Variants in TRIM67 observed in about 807,000 individuals in gnomAD.
The protein encoded by TRIM67 is tripartite motif containing 67, also known as tripartite motif-containing protein 67.
A neutral mutation model predicts 71.0 loss-of-function variants in TRIM67; 39 were observed. The ratio of observed to expected loss-of-function variants is 0.55; its 90% CI spans 0.43 to 0.72. The LOEUF (loss-of-function observed/expected upper bound fraction) is 0.72, where lower values mean the gene tolerates loss of function less well. Ranked by LOEUF, TRIM67 falls within the 30% of genes least tolerant of loss-of-function variation. The pLI is 0.00. For missense variants in TRIM67, 973 were observed against 1,079.2 expected (o/e 0.90, Z 1.38); for synonymous variants, 481 against 473.9 (o/e 1.01, Z -0.19).
chr1:231,163,794 C>CA lies in TRIM67; in HGVS notation c.826dup (p.Ser276LysfsTer32). The CA allele has an allele frequency of 6.7e-7, 1 of 1,490,414 alleles. No homozygotes were observed. Among genetic ancestry groups the CA allele is most frequent in the Non-Finnish European group, 9.0e-7 (1 of 1,116,410 alleles). 92.3% of individuals were successfully genotyped at this position (1,490,414 alleles called of 1,614,324 possible). ...CCACTGGCACCGCCCAGGGCGCCCC[C>CA]AGCGGAGGCGGCGGCTGCAAGAGCC... On this transcript the variant is annotated frameshift_variant, in exon 1 of 10. Coordinates refer to ENST00000366653, the MANE Select transcript of TRIM67 (RefSeq NM_001004342.5). LOFTEE classifies it high-confidence loss of function.
chr1:231,183,840 G>A (rs1439759300), intron 1 of TRIM67, among the ~76,000 whole-genome samples: 2 of 152,148 alleles, frequency 1.3e-5, no homozygotes, highest in Admixed American at 1.3e-4. Context: ...ATGAGGGCAG[G>A]GAGAGTAAGT....
intron 8 of TRIM67, among the ~76,000 whole-genome samples, chr1:231,211,027 A>ATATATATATATAT (rs1553328710): frequency 1.5e-5 from 2 of 130,504 alleles, no homozygotes; most frequent in African/African-American, 5.6e-5. Context: ...TACCAAAAAA[A>ATATATATATATAT]AAAAATATAT....
intron 8 of TRIM67, among the ~76,000 whole-genome samples, chr1:231,211,990 C>T (rs1199091907): frequency 6.6e-6 from 1 of 152,196 alleles, no homozygotes; most frequent in Admixed American, 6.5e-5. Flanking sequence ...AAACGCTACA[C>T]TTTGAGACGA....
chr1:231,206,715 A>G lies in TRIM67; in HGVS notation c.1744A>G (p.Asn582Asp). 1 of 1,611,844 alleles carries G rather than the reference A, an allele frequency of 6.2e-7. No homozygotes were observed. The highest frequency in any genetic ancestry group is 8.5e-7 in the Non-Finnish European group (1 of 1,179,048). Residue 582 changes from asparagine to aspartate, a missense_variant, in exon 7 of 10, where the codon AAC becomes GAC. Transcript: ENST00000366653. ...IDGLHFNSTY[N>D]ARVKAFNSSG... Reference sequence around the variant, plus strand: ...CGGTCTTCACTTCAACAGCACCTACAACGCCCGAGTCAAAGCTTTCAACTC... The same window carrying G: ...CGGTCTTCACTTCAACAGCACCTACGACGCCCGAGTCAAAGCTTTCAACTC...
At chr1:231,193,481 A>C (rs1237830963) in intron 1 of TRIM67, among the ~76,000 whole-genome samples, 2 of 122,860 alleles carry the variant, frequency 1.6e-5, no homozygotes, top group Admixed American at 1.7e-4. Flanking sequence ...AAAAAGAAAG[A>C]GACACCTGAA....
At chr1:231,205,263 A>G (rs1683663777) in intron 6 of TRIM67, among the ~76,000 whole-genome samples, 1 of 152,212 alleles carries the variant, frequency 6.6e-6, no homozygotes, top group South Asian at 2.1e-4. Context: ...ATGCAGACAG[A>G]CCTGGATTTG....
At chr1:231,204,397 A>T (rs1683638148) in intron 6 of TRIM67, among the ~76,000 whole-genome samples, 1 of 152,172 alleles carries the variant, frequency 6.6e-6, no homozygotes, top group Non-Finnish European at 1.5e-5. Context: ...GGAGACGAGG[A>T]AGCACTGTCT....
Position 231,209,355 on chromosome 1 carries a change from AGAG to A in TRIM67, c.2123+110_2123+112del. The A allele has an allele frequency of 7.7e-7, 1 of 1,305,342 alleles. No individual in the cohort carries two copies. The allele number at this position is 1,305,342 out of a possible 1,614,324, so 80.9% of individuals were successfully genotyped here. On this transcript the variant is annotated intron_variant, in intron 8 of 9. Transcript: ENST00000366653. The surrounding 1 kb of genome is among the most constrained non-coding windows in gnomAD (Gnocchi z 4.1). ...CTGTCCCCAAAGCCAGGAGGAATTG[AGAG>A]GAGGTATTTTCAGCCACTTTGGTCT...
chr1:231,169,763 C>A (rs1328879587), intron 1 of TRIM67, among the ~76,000 whole-genome samples: 3 of 152,118 alleles, frequency 2.0e-5, no homozygotes, highest in Admixed American at 6.5e-5. Flanking sequence ...TCTCTCCTAT[C>A]TGCCCCAGAC....
At chr1:231,173,938 G>T (rs565032110) in intron 1 of TRIM67, among the ~76,000 whole-genome samples, 1 of 152,206 alleles carries the variant, frequency 6.6e-6, no homozygotes, top group South Asian at 2.1e-4. Flanking sequence ...CCTGCTGGGG[G>T]TTCTCTGAGC....
At chr1:231,180,661 A>G (rs1307735432) in intron 1 of TRIM67, among the ~76,000 whole-genome samples, 1 of 152,222 alleles carries the variant, frequency 6.6e-6, no homozygotes, top group African/African-American at 2.4e-5. Context: ...GCATGTGTTA[A>G]TATGTTATTT....
chr1:231,203,038 G>T (rs1244920795), intron 5 of TRIM67, among the ~76,000 whole-genome samples: 1 of 152,158 alleles, frequency 6.6e-6, no homozygotes, highest in Non-Finnish European at 1.5e-5. Context: ...CTACCAGCTC[G>T]TTAACTGAGG....
chr1:231,186,472 G>A (rs554457969), intron 1 of TRIM67, among the ~76,000 whole-genome samples: 3 of 152,244 alleles, frequency 2.0e-5, no homozygotes, highest in East Asian at 1.9e-4. Flanking sequence ...TCAGGGTGTC[G>A]GCAGGGCTAT....
chr1:231,174,730 A>C (rs1682701568), intron 1 of TRIM67, among the ~76,000 whole-genome samples: 1 of 151,648 alleles, frequency 6.6e-6, no homozygotes, highest in Admixed American at 6.6e-5. Context: ...GAGTTTTTTC[A>C]TTTCCCTTCC....
intron 2 of TRIM67, among the ~76,000 whole-genome samples, chr1:231,198,082 G>A (rs1011311491): frequency 1.2e-4 from 18 of 152,206 alleles, no homozygotes; most frequent in Non-Finnish European, 2.4e-4. Context: ...AGCACTCTAC[G>A]TGCCATGTCG....
At chr1:231,169,057 TTTTTTA>T (rs997221295) in intron 1 of TRIM67, among the ~76,000 whole-genome samples, 12 of 129,704 alleles carry the variant, frequency 9.3e-5, no homozygotes, top group African/African-American at 3.2e-4. Flanking sequence ...CTAGATATTT[TTTTTTA>T]TTTTTATTTG....
At chr1:231,178,295 A>G (rs1470956994) in intron 1 of TRIM67, among the ~76,000 whole-genome samples, 1 of 152,224 alleles carries the variant, frequency 6.6e-6, no homozygotes, top group Non-Finnish European at 1.5e-5. Flanking sequence ...GGTGCTATAG[A>G]GGCAGGAGAA....
At chr1:231,207,787 G>T (rs1683746777) in intron 7 of TRIM67, among the ~76,000 whole-genome samples, 1 of 152,142 alleles carries the variant, frequency 6.6e-6, no homozygotes, top group Non-Finnish European at 1.5e-5. Flanking sequence ...TCTCCTGCCT[G>T]CCCAGAGATG....
chr1:231,165,364 A>G (rs955709496), intron 1 of TRIM67, among the ~76,000 whole-genome samples: 1 of 152,254 alleles, frequency 6.6e-6, no homozygotes, highest in Non-Finnish European at 1.5e-5. Context: ...GGAAAAAAAT[A>G]CCAAACTTAA....
Sources: allele counts gnomAD v4.1 joint callset (sites outside exome capture counted in the v4.1 genomes callset), GRCh38; gene constraint gnomAD v4.1.1; non-coding constraint Gnocchi (gnomAD v3.1); transcripts MANE v1.5; gene names NCBI Gene and HGNC (gene_info 2026-07-23, HGNC 2026-07-21).